Variants in TNS4 observed in about 807,000 individuals in gnomAD.
TNS4 encodes the protein tensin 4.
Under a neutral mutation model 70.4 loss-of-function variants are expected in TNS4, and 46 were observed. That is an observed-to-expected ratio of 0.65 (90% CI 0.52 to 0.84). The LOEUF is 0.84. Ranked by LOEUF, TNS4 falls within the 40% of genes least tolerant of loss-of-function variation. TNS4 has a pLI of 0.00. For missense variants in TNS4, 863 were observed against 907.0 expected, an observed-to-expected ratio of 0.95 and a Z score of 0.62; for synonymous variants, 390 against 366.6, an observed-to-expected ratio of 1.06 and a Z score of -0.73.
intron 1 of TNS4, among the ~76,000 whole-genome samples, chr17:40,500,955 A>G (rs2036207163): frequency 6.6e-6 from 1 of 152,130 alleles, no homozygotes. Context: ...TTCTGTGTCC[A>G]GTCCCTTTCC....
intron 4 of TNS4, among the ~76,000 whole-genome samples, chr17:40,486,226 C>T (rs547345079): frequency 1.2e-4 from 18 of 152,172 alleles, no homozygotes; most frequent in East Asian, 7.7e-4. Flanking sequence ...TTGTGGTTTT[C>T]GGCTGTCTGA....
intron 9 of TNS4, 71 bp from the exon 10 acceptor site, chr17:40,479,913 G>A (rs895946792): frequency 2.0e-6 from 3 of 1,494,172 alleles, no homozygotes; most frequent in African/African-American, 2.8e-5. Flanking sequence ...CAGGGCCAGG[G>A]GAGGGGGTGA....
intron 1 of TNS4, among the ~76,000 whole-genome samples, chr17:40,499,581 A>ACGCC (rs537007533): frequency 9.5e-4 from 145 of 152,308 alleles, no homozygotes; most frequent in African/African-American, 3.3e-3. Flanking sequence ...GCCTCCCCCA[A>ACGCC]CGCCCGTGGC....
intron 2 of TNS4, among the ~76,000 whole-genome samples, 186 bp from the exon 3 acceptor site, chr17:40,489,155 C>A (rs1037015315): frequency 6.6e-6 from 1 of 152,116 alleles, no homozygotes; most frequent in Non-Finnish European, 1.5e-5. Context: ...CCTGTGACAA[C>A]TTCCCTTGGG....
intron 4 of TNS4, among the ~76,000 whole-genome samples, chr17:40,485,771 G>C (rs2035982284): frequency 6.6e-6 from 1 of 152,226 alleles, no homozygotes; most frequent in Non-Finnish European, 1.5e-5. Context: ...CTAAGGCAGA[G>C]AGCAGTAGCT....
rs561922966 is a variant in TNS4, at chr17:40,477,611, G to A, written c.2125C>T (p.Leu709=). The change falls in exon 13 of 13, where the codon CTG becomes TTG. Residue 709 remains leucine, a synonymous_variant. Coordinates refer to ENST00000254051, the MANE Select transcript of TNS4 (RefSeq NM_032865.6). ...CCCTACATCCTTTCTGCGTCCTGCA[G>A]CAGAGCAGTCACCAGGCCGATGACC... ...SQVIGLVTAL[L]QDAERM is the part of the protein sequence containing the mutation. The A allele has an allele frequency of 1.9e-5, 30 of 1,614,160 alleles. No homozygotes were observed. The South Asian group carries it at 3.0e-4, about 16-fold the overall frequency.
At chr17:40,488,186 C>A (rs543733555) in intron 3 of TNS4, among the ~76,000 whole-genome samples, 1 of 152,108 alleles carries the variant, frequency 6.6e-6, no homozygotes, top group African/African-American at 2.4e-5. Flanking sequence ...CTTTTTATTC[C>A]TAAATAGTTC....
At chr17:40,480,279 A>C (rs748356395) in intron 9 of TNS4, among the ~76,000 whole-genome samples, 92 of 152,258 alleles carry the variant, frequency 6.0e-4, no homozygotes, top group Middle Eastern at 3.4e-3. Flanking sequence ...ACAAGTGCTG[A>C]TGTGTGCTGG....
At chr17:40,484,278 A>T (rs959953452) in intron 6 of TNS4, among the ~76,000 whole-genome samples, 2 of 152,182 alleles carry the variant, frequency 1.3e-5, no homozygotes, top group Admixed American at 6.5e-5. Context: ...AGGCAGAAGC[A>T]CGCAGGCTTG....
Position 40,479,847 on chromosome 17 carries a change from G to C in TNS4, c.1742-5C>G. 1 of 1,608,084 alleles carries C rather than the reference G, an allele frequency of 6.2e-7. No individual in the cohort carries two copies. The highest frequency in any genetic ancestry group is 1.1e-5 in the South Asian group (1 of 90,334). ...TCAGGTACAGGGTGTGGCAGCCTGT[G>C]GGAGGCAGACACTGCGCTGGGGCCA... is the stretch of plus-strand genomic sequence containing the variant. On this transcript the variant is annotated splice_polypyrimidine_tract_variant and splice_region_variant and intron_variant, in intron 9 of 12. Transcript: ENST00000254051.
In TNS4 at chr17:40,487,281, G is replaced by C; in HGVS notation, c.1043C>G (p.Pro348Arg). Reference protein sequence around the residue: ...PTLTMGQPRTPHSPPLAKEHA... With the variant: ...PTLTMGQPRTRHSPPLAKEHA... ...TTCTTTGGCCAGTGGTGGAGAGTGG[G>C]GTGTTCTGGGTTGGCCCATGGTTAG... Residue 348 changes from proline (P) to arginine (R), a missense_variant, in exon 4 of 13, where the codon CCC becomes CGC. By Grantham distance (103) the Pro-to-Arg change is moderately radical (BLOSUM62 -2). Transcript: ENST00000254051. 1 of 1,614,182 alleles carries C rather than the reference G, an allele frequency of 6.2e-7. No homozygotes were observed. Among genetic ancestry groups the C allele is most frequent in the Non-Finnish European group, 8.5e-7 (1 of 1,180,030 alleles).
chr17:40,476,851 ACT>A lies in TNS4; in HGVS notation c.*735_*736del, dbSNP rs1371305569. On this transcript the variant is annotated 3_prime_UTR_variant, in exon 13 of 13. Transcript: ENST00000254051. Reference sequence around the variant, plus strand: ...GCAGTTCAGCCTGGGTGACAGTGAGACTCTGTCTCAAAAAAAAATAAAAATAA... The same window carrying A: ...GCAGTTCAGCCTGGGTGACAGTGAGACTGTCTCAAAAAAAAATAAAAATAA... The A allele has an allele frequency of 6.7e-6, 1 of 148,270 alleles. No individual in the cohort carries two copies. Among genetic ancestry groups the A allele is most frequent in the Non-Finnish European group, 1.5e-5 (1 of 67,814 alleles). The allele number at this position is 148,270 out of a possible 1,614,324, so 9.2% of individuals were successfully genotyped here. A position where few individuals can be genotyped will look rare whatever the true frequency, so the allele number is the denominator to read the frequency against.
At chr17:40,500,454 C>T (rs546886059) in intron 1 of TNS4, among the ~76,000 whole-genome samples, 25 of 152,230 alleles carry the variant, frequency 1.6e-4, no homozygotes, top group Middle Eastern at 3.4e-3. Flanking sequence ...TCCCTGGGCC[C>T]GGGGCTCTGT....
In TNS4 at chr17:40,487,023, G is replaced by A; in HGVS notation, c.1288+13C>T. On this transcript the variant is annotated intron_variant, in intron 4 of 12. Coordinates refer to ENST00000254051, the MANE Select transcript of TNS4 (RefSeq NM_032865.6). ...AAATCTTACATTGCTTCAAATATTGGTTTACGACGTACCCTCTGGGCATGT... is the reference window on the plus strand; with the variant it reads ...AAATCTTACATTGCTTCAAATATTGATTTACGACGTACCCTCTGGGCATGT... 6.2e-7 allele frequency: 1 copy of A among 1,610,750 alleles called. No individual in the cohort carries two copies. The highest frequency in any genetic ancestry group is 8.5e-7 in the Non-Finnish European group (1 of 1,177,210).
chr17:40,482,012 C>T, intron 8 of TNS4, 117 bp downstream of exon 8: 1 of 1,196,980 alleles, frequency 8.4e-7, no homozygotes, highest in Non-Finnish European at 1.2e-6. Flanking sequence ...CTCCAGTGCA[C>T]ACAGTTTTAA....
At chr17:40,480,844 C>A (rs772997413) in intron 8 of TNS4, 76 bp from the exon 9 acceptor site, 7 of 1,499,668 alleles carry the variant, frequency 4.7e-6, no homozygotes, top group Non-Finnish European at 6.4e-6. Context: ...AGGAACAGGC[C>A]TCATGAATCC....
intron 6 of TNS4, among the ~76,000 whole-genome samples, chr17:40,483,832 C>T (rs1052671057): frequency 3.3e-5 from 5 of 152,186 alleles, no homozygotes; most frequent in South Asian, 4.1e-4. Context: ...TGGGAGCCTC[C>T]GTTATCTCAT....
chr17:40,488,181 T>C (rs1293597035), intron 3 of TNS4, among the ~76,000 whole-genome samples: 1 of 152,186 alleles, frequency 6.6e-6, no homozygotes, highest in African/African-American at 2.4e-5. Flanking sequence ...GGAACCTTTT[T>C]ATTCCTAAAT....
chr17:40,488,684 C>T lies in TNS4; in HGVS notation c.725G>A (p.Ser242Asn). The T allele has an allele frequency of 6.3e-7, 1 of 1,577,874 alleles. No homozygotes were observed. Among genetic ancestry groups the T allele is most frequent in the Non-Finnish European group, 8.6e-7 (1 of 1,161,200 alleles). The change falls in exon 3 of 13, where the codon AGC (serine) becomes AAC (asparagine). Residue 242 changes from serine (S) to asparagine (N), a missense_variant. Physicochemically the swap from Ser to Asn is conservative, Grantham distance 46. Transcript: ENST00000254051. ...SIPCMGSKAS[S>N]PHGLGSPLVA... ...CAGCGGGGAGCCCAAACCATGGGGG[C>T]TCGAGGCCTTGCTCCCCATGCAAGG...
Sources: gnomAD v4.1 joint callset for allele counts (sites outside exome capture counted in the v4.1 genomes callset) on GRCh38, gnomAD v4.1.1 for gene constraint, MANE v1.5 for transcripts, NCBI Gene and HGNC (gene_info 2026-07-23, HGNC 2026-07-21) for gene names.